LPO: variants seen among roughly 807,000 people sequenced by gnomAD.
The protein encoded by LPO is lactoperoxidase.
In LPO, 70 loss-of-function variants were observed where a neutral mutation model predicts 68.4. That is an observed-to-expected ratio of 1.02 (90% CI 0.84 to 1.25). LPO has a LOEUF of 1.25. Ranked by LOEUF, LPO falls within the 50% of genes most tolerant of loss-of-function variation. The pLI is 0.00. For synonymous variants in LPO, 360 were observed against 357.6 expected, an observed-to-expected ratio of 1.01 and a Z score of -0.08; for missense variants, 873 against 908.4, an observed-to-expected ratio of 0.96 and a Z score of 0.50.
intron 9 of LPO, among the ~76,000 whole-genome samples, chr17:58,259,469 C>T (rs1239391325): frequency 6.6e-6 from 1 of 152,212 alleles, no homozygotes; most frequent in East Asian, 1.9e-4. Context: ...CTATTCCTCT[C>T]ATACCACAGT....
Position 58,264,856 on chromosome 17 carries a change from C to T in LPO, c.1401C>T (p.Gly467=), listed in dbSNP as rs1219061377. 1.2e-6 allele frequency: 2 copies of T among 1,614,106 alleles called. No homozygotes were observed. Among genetic ancestry groups the T allele is most frequent in the African/African-American group, 1.3e-5 (1 of 74,930 alleles). Residue 467 remains glycine, a synonymous_variant, in exon 10 of 13, where the codon GGC becomes GGT. Transcript: ENST00000262290. The part of the protein sequence containing the change: ...SNVFTFAFRF[G]HLEVPSSMFR... ...TCTTCACCTTCGCCTTCCGCTTTGG[C>T]CACTTGGAGGTCCCCTCTAGTATGT... is the stretch of plus-strand genomic sequence containing the variant.
chr17:58,247,776 C>T (rs1174249647), intron 4 of LPO, 138 bp downstream of exon 4: 7 of 973,066 alleles, frequency 7.2e-6, no homozygotes, highest in South Asian at 3.5e-5. Flanking sequence ...TTCTTAGACC[C>T]GTAGACGAGA....
rs1969783103 is a variant in LPO, at chr17:58,242,944, G to T, written c.-2-34G>T. On this transcript the variant is annotated intron_variant, in intron 1 of 12. Transcript: ENST00000262290. ...CAAACCCTCCCACTTGGTCTCTAGA[G>T]AGGCTCACAGTGTGATCCTGCATCT... 3 of 1,577,116 alleles carry T rather than the reference G, an allele frequency of 1.9e-6. No individual in the cohort carries two copies. In the East Asian group the frequency reaches 6.7e-5, roughly 35 times the overall value.
Position 58,264,964 on chromosome 17 carries a change from G to A in LPO, c.1509G>A (p.Met503Ile), listed in dbSNP as rs747592185. 1.9e-6 allele frequency: 3 copies of A among 1,614,168 alleles called. No homozygotes were observed. The highest frequency in any genetic ancestry group is 2.2e-5 in the South Asian group (2 of 91,084). Residue 503 changes from methionine to isoleucine, a missense_variant, in exon 10 of 13, where the codon ATG becomes ATA. Physicochemically the swap from Met to Ile is conservative, Grantham distance 10 (BLOSUM62 1). Coordinates refer to ENST00000262290, the MANE Select transcript of LPO (RefSeq NM_006151.3). ...CCCTCTTCTTCAACACTTGGAGGAT[G>A]GTCAAAGATGGTATGCCCTTTCAGG... Reference protein sequence around the residue: ...LHTLFFNTWRMVKDGGIDPLV... With the variant: ...LHTLFFNTWRIVKDGGIDPLV...
At chr17:58,247,132 T>C in intron 3 of LPO, among the ~76,000 whole-genome samples, 1 of 152,018 alleles carries the variant, frequency 6.6e-6, no homozygotes, top group East Asian at 1.9e-4. Context: ...GATCCACCCC[T>C]GTGTCTGTCC....
chr17:58,241,655 G>C (rs180869233), intron 1 of LPO, among the ~76,000 whole-genome samples: 140 of 152,188 alleles, frequency 9.2e-4, no homozygotes, highest in Admixed American at 7.5e-3. Context: ...ATCTTGGGGT[G>C]GGGGGAAGTA....
intron 3 of LPO, chr17:58,244,285 C>T (rs772034829): frequency 8.5e-6 from 5 of 591,588 alleles, no homozygotes; most frequent in Non-Finnish European, 1.5e-5. Context: ...CTAAAGTCCT[C>T]AGCCTGTACA....
Position 58,243,051 on chromosome 17 carries a change from A to G in LPO, c.72A>G (p.Thr24=). The change falls in exon 2 of 13, where the codon ACA becomes ACG. Residue 24 remains threonine, a synonymous_variant. Transcript: ENST00000262290. ...LILLQAAAST[T]RAQTTRTSAI... ...TGCTTCAGGCTGCAGCATCTACCACAAGAGGTGAGTGTCTCCCTTTACGGG... is the reference window on the plus strand; with the variant it reads ...TGCTTCAGGCTGCAGCATCTACCACGAGAGGTGAGTGTCTCCCTTTACGGG... 2 of 1,613,904 alleles carry G rather than the reference A, an allele frequency of 1.2e-6. No individual in the cohort carries two copies. The highest frequency in any genetic ancestry group is 1.7e-6 in the Non-Finnish European group (2 of 1,179,986).
At chr17:58,264,650 C>A in intron 9 of LPO, 72 bp from the exon 10 acceptor site, 1 of 1,549,258 alleles carries the variant, frequency 6.5e-7, no homozygotes, top group Non-Finnish European at 8.9e-7. Flanking sequence ...GGCTGCAGCT[C>A]TTTCACAGCC....
intron 9 of LPO, among the ~76,000 whole-genome samples, chr17:58,261,019 G>T (rs1181436929): frequency 6.6e-6 from 1 of 152,090 alleles, no homozygotes; most frequent in Admixed American, 6.5e-5. Context: ...TTTTAAATTT[G>T]TTAAGATTTG....
At chr17:58,257,422 C>G (rs772751308) in intron 9 of LPO, among the ~76,000 whole-genome samples, 1 of 152,200 alleles carries the variant, frequency 6.6e-6, no homozygotes, top group African/African-American at 2.4e-5. Flanking sequence ...GCATATTTCA[C>G]GTAACATAAT....
In LPO at chr17:58,268,206, CTGTCAAGACTTAG is replaced by C. The variant is rs1970312647; in HGVS notation, c.*213_*225del. 1.7e-6 allele frequency: 1 copy of C among 576,800 alleles called. No homozygotes were observed. The highest frequency in any genetic ancestry group is 3.1e-6 in the Non-Finnish European group (1 of 323,652). 35.7% of individuals were successfully genotyped at this position (576,800 alleles called of 1,614,324 possible). A position where few individuals can be genotyped will look rare whatever the true frequency, so the allele number is the denominator to read the frequency against. ...ACTCAGCTCCAGTGGCTTCTCCTTT[CTGTCAAGACTTAG>C]CCCCGCTGAGATGCCCTTCTGCTCC... On this transcript the variant is annotated 3_prime_UTR_variant, in exon 13 of 13. Coordinates refer to ENST00000262290, the MANE Select transcript of LPO (RefSeq NM_006151.3).
intron 10 of LPO, 39 bp downstream of exon 10, chr17:58,265,013 C>T (rs372171486): frequency 1.1e-5 from 18 of 1,608,418 alleles, no homozygotes; most frequent in Non-Finnish European, 1.5e-5. Context: ...CTGGGTCTCC[C>T]ACTCCGCAGC....
At chr17:58,251,748 T>C (rs901901514) in intron 7 of LPO, 2 of 420,216 alleles carry the variant, frequency 4.8e-6, no homozygotes, top group African/African-American at 4.1e-5. Flanking sequence ...TGGAACTGAA[T>C]TGTCCACCTT....
intron 1 of LPO, among the ~76,000 whole-genome samples, chr17:58,240,531 T>C (rs914796402): frequency 1.3e-5 from 2 of 152,186 alleles, no homozygotes; most frequent in African/African-American, 2.4e-5. Context: ...GACATGACCT[T>C]GTATTCACCT....
chr17:58,248,877 G>A (rs576358866), intron 4 of LPO, among the ~76,000 whole-genome samples, 183 bp from the exon 5 acceptor site: 15 of 152,184 alleles, frequency 9.9e-5, no homozygotes, highest in African/African-American at 3.6e-4. Context: ...CTGTAAAATG[G>A]GAATAAAATG....
At chr17:58,249,827 C>A in intron 6 of LPO, 132 bp downstream of exon 6, 1 of 1,284,662 alleles carries the variant, frequency 7.8e-7, no homozygotes, top group Non-Finnish European at 1.0e-6. Flanking sequence ...CTGCACAGAC[C>A]CCCACCTTCC....
chr17:58,242,811 C>T (rs1969781173), intron 1 of LPO, 167 bp from the exon 2 acceptor site: 1 of 605,646 alleles, frequency 1.7e-6, no homozygotes. Flanking sequence ...GTACCTAGCA[C>T]AGGCCTGTGT....
intron 8 of LPO, 29 bp downstream of exon 8, chr17:58,252,535 C>A: frequency 6.3e-7 from 1 of 1,591,336 alleles, no homozygotes; most frequent in Non-Finnish European, 8.6e-7. Context: ...CAGAAGGGCC[C>A]AAGGACAAGG....
Sources: allele counts gnomAD v4.1 joint callset (sites outside exome capture counted in the v4.1 genomes callset), GRCh38; gene constraint gnomAD v4.1.1; transcripts MANE v1.5; gene names NCBI Gene and HGNC (gene_info 2026-07-23, HGNC 2026-07-21).